The following ATXN8OS variants were observed in gnomAD, a reference collection of about 807,000 sequenced individuals.
ATXN8OS encodes the protein ATXN8 opposite strand (non-protein coding).
chr13:70,132,128 A>G (rs1888542682), intron 3 of ATXN8OS, among the ~76,000 whole-genome samples: 1 of 152,090 alleles, frequency 6.6e-6, no homozygotes, highest in Non-Finnish European at 1.5e-5. Context: ...ATACTTAGGG[A>G]CATTATTTAC....
chr13:70,131,338 G>GT, intron 3 of ATXN8OS: 1 of 398,388 alleles, frequency 2.5e-6, no homozygotes, highest in East Asian at 3.6e-5. Context: ...CCATAAATCA[G>GT]TTTTTTCCTC....
chr13:70,158,774 A>G (rs1888967005), intron 4 of ATXN8OS, among the ~76,000 whole-genome samples: 1 of 152,188 alleles, frequency 6.6e-6, no homozygotes, highest in Admixed American at 6.5e-5. Context: ...CTTTTCATAT[A>G]TCATGCAATA....
chr13:70,107,498 A>C, upstream of ATXN8OS: 2 of 1,613,834 alleles, frequency 1.2e-6, no homozygotes, highest in Middle Eastern at 3.3e-4. Flanking sequence ...TTCTTCCAGA[A>C]AGTGCTCACA....
At chr13:70,147,098 T>A (rs1888796869) in intron 3 of ATXN8OS, among the ~76,000 whole-genome samples, 1 of 152,078 alleles carries the variant, frequency 6.6e-6, no homozygotes, top group African/African-American at 2.4e-5. Flanking sequence ...ACAAGTGGAT[T>A]CCAAAAGAGT....
intron 3 of ATXN8OS, among the ~76,000 whole-genome samples, chr13:70,144,074 G>A (rs1300010462): frequency 6.6e-6 from 1 of 152,056 alleles, no homozygotes; most frequent in African/African-American, 2.4e-5. Flanking sequence ...CTACTGTGGT[G>A]AAGCATATAA....
intron 4 of ATXN8OS, among the ~76,000 whole-genome samples, chr13:70,158,825 C>A (rs1888967783): frequency 6.6e-6 from 1 of 152,102 alleles, no homozygotes; most frequent in Non-Finnish European, 1.5e-5. Context: ...ACATTAAAAC[C>A]AGCCTTTACT....
At chr13:70,158,784 A>T (rs564223022) in intron 4 of ATXN8OS, among the ~76,000 whole-genome samples, 2 of 152,144 alleles carry the variant, frequency 1.3e-5, no homozygotes, top group Non-Finnish European at 2.9e-5. Context: ...ATCATGCAAT[A>T]TCTCTTGATT....
intron 2 of ATXN8OS, among the ~76,000 whole-genome samples, chr13:70,122,491 CCTT>C (rs1159234970): frequency 1.3e-4 from 19 of 150,378 alleles, no homozygotes; most frequent in Admixed American, 1.0e-3. Context: ...TATCTCCTGT[CCTT>C]CTTAGAGAGA....
chr13:70,159,027 T>C (rs1888969505), intron 4 of ATXN8OS, among the ~76,000 whole-genome samples: 1 of 152,152 alleles, frequency 6.6e-6, no homozygotes, highest in Admixed American at 6.5e-5. Flanking sequence ...GTATATCATA[T>C]ATATTTATGC....
chr13:70,157,263 T>A (rs1888949162), intron 4 of ATXN8OS, among the ~76,000 whole-genome samples: 1 of 152,164 alleles, frequency 6.6e-6, no homozygotes, highest in South Asian at 2.1e-4. Context: ...TAAAATAGAA[T>A]GTTGTGTCTC....
At chr13:70,145,181 G>A (rs1888765472) in intron 3 of ATXN8OS, among the ~76,000 whole-genome samples, 2 of 152,030 alleles carry the variant, frequency 1.3e-5, no homozygotes, top group South Asian at 4.1e-4. Context: ...CATTATTTCT[G>A]AGGGCTCTGT....
At chr13:70,131,763 T>A (rs977553860) in intron 3 of ATXN8OS, among the ~76,000 whole-genome samples, 1 of 152,148 alleles carries the variant, frequency 6.6e-6, no homozygotes, top group African/African-American at 2.4e-5. Context: ...TACAACTGCA[T>A]CCTTGTTTTT....
intron 1 of ATXN8OS, among the ~76,000 whole-genome samples, chr13:70,113,561 G>A (rs1266135487): frequency 6.6e-6 from 1 of 152,074 alleles, no homozygotes; most frequent in East Asian, 1.9e-4. Flanking sequence ...ACTTTAATCA[G>A]GATGATCAAA....
intron 4 of ATXN8OS, among the ~76,000 whole-genome samples, chr13:70,166,893 C>T (rs1261037261): frequency 2.0e-5 from 3 of 151,354 alleles, no homozygotes; most frequent in African/African-American, 7.3e-5. Context: ...GACATTTATG[C>T]AGCCAAAAAA....
At chr13:70,124,899 AT>A (rs1888407984) in intron 2 of ATXN8OS, among the ~76,000 whole-genome samples, 1 of 147,062 alleles carries the variant, frequency 6.8e-6, no homozygotes, top group Admixed American at 6.8e-5. Context: ...ATTCTCTTTC[AT>A]TTAATGTTAT....
intron 3 of ATXN8OS, among the ~76,000 whole-genome samples, chr13:70,139,807 C>T (rs559289884): frequency 2.0e-5 from 3 of 152,032 alleles, no homozygotes; most frequent in South Asian, 2.1e-4. Context: ...ATAAAGGTAC[C>T]TTCTTGCTTC....
At chr13:70,165,743 T>G in intron 4 of ATXN8OS, among the ~76,000 whole-genome samples, 1 of 151,988 alleles carries the variant, frequency 6.6e-6, no homozygotes. Context: ...TACATAAATT[T>G]TTTTCTAACC....
chr13:70,144,496 T>C (rs2137494697), intron 3 of ATXN8OS, among the ~76,000 whole-genome samples: 2 of 152,258 alleles, frequency 1.3e-5, no homozygotes, highest in Middle Eastern at 3.4e-3. Context: ...GAGTCCAATA[T>C]GTAATATTCC....
intron 4 of ATXN8OS, among the ~76,000 whole-genome samples, chr13:70,167,826 C>A (rs943976185): frequency 6.7e-6 from 1 of 150,356 alleles, no homozygotes; most frequent in South Asian, 2.1e-4. Flanking sequence ...AGCTCCGCCT[C>A]CTGGGTTCAC....
Sources: gnomAD v4.1 joint callset for allele counts (sites outside exome capture counted in the v4.1 genomes callset) on GRCh38, gnomAD v4.1.1 for gene constraint, MANE v1.5 for transcripts, NCBI Gene and HGNC (gene_info 2026-07-23, HGNC 2026-07-21) for gene names.